Variants in IDE observed in about 807,000 individuals in gnomAD.
The protein encoded by IDE is insulin degrading enzyme.
Under a neutral mutation model 133.2 loss-of-function variants are expected in IDE, and 58 were observed. The observed-to-expected ratio is 0.44, with a 90% CI of 0.35 to 0.54. IDE has a LOEUF of 0.54. Among genes scored for constraint, IDE ranks in the 20% least tolerant of loss-of-function variants. The pLI is 0.00. For synonymous variants in IDE, 396 were observed against 421.3 expected (o/e 0.94, Z 0.73); for missense variants, 981 against 1,234.0 (o/e 0.79, Z 3.07).
At chr10:92,552,434 AC>A (rs1738966770) in intron 1 of IDE, among the ~76,000 whole-genome samples, 2 of 152,232 alleles carry the variant, frequency 1.3e-5, no homozygotes, top group Non-Finnish European at 2.9e-5. Context: ...TTTATTATAT[AC>A]AAAAAGACAT....
chr10:92,574,043 A>C lies in IDE; in HGVS notation c.-24T>G. 2 of 1,495,744 alleles carry C rather than the reference A, an allele frequency of 1.3e-6. No individual in the cohort carries two copies. Among genetic ancestry groups the C allele is most frequent in the Non-Finnish European group, 1.8e-6 (2 of 1,121,114 alleles). The allele number at this position is 1,495,744 out of a possible 1,614,324, so 92.7% of individuals were successfully genotyped here. On this transcript the variant is annotated 5_prime_UTR_variant, in exon 1 of 25. Transcript: ENST00000265986. ...ATTAGCCAGCGCAGTCGCCGGGATC[A>C]CCGCAAACGCTTCCTGCTTGCGCTT...
intron 24 of IDE, among the ~76,000 whole-genome samples, chr10:92,454,948 T>C (rs1589346526): frequency 6.6e-6 from 1 of 152,164 alleles, no homozygotes; most frequent in East Asian, 1.9e-4. Flanking sequence ...TTCTAGATGA[T>C]TAAAATACGC....
At position 92,487,181 on chromosome 10, in the gene IDE, A is replaced by T. The variant is rs1847047955; in HGVS notation, c.1656+15T>A. On this transcript the variant is annotated intron_variant, in intron 13 of 24. Transcript: ENST00000265986. Reference sequence around the variant, plus strand: ...CTGTCCCCCAAATTTAAAATCACTGATTCAAACACATTACCTTAATAAGAG... The same window carrying T: ...CTGTCCCCCAAATTTAAAATCACTGTTTCAAACACATTACCTTAATAAGAG... The T allele has an allele frequency of 1.2e-6, 2 of 1,603,950 alleles. No individual in the cohort carries two copies. Among genetic ancestry groups the T allele is most frequent in the Middle Eastern group, 1.7e-4 (1 of 6,000 alleles).
intron 11 of IDE, among the ~76,000 whole-genome samples, chr10:92,500,301 A>C (rs1391337121): frequency 6.6e-6 from 1 of 152,080 alleles, no homozygotes; most frequent in Admixed American, 6.6e-5. Context: ...CCATCTCAAA[A>C]AAAAAAAAAC....
chr10:92,506,417 T>C (rs781332486), intron 10 of IDE, 25 bp downstream of exon 10: 3 of 1,151,856 alleles, frequency 2.6e-6, no homozygotes, highest in East Asian at 2.4e-5. Flanking sequence ...CAGCAATGTA[T>C]ACAGTAAAAT....
chr10:92,565,806 T>C (rs1028082921), intron 1 of IDE, among the ~76,000 whole-genome samples: 1 of 152,118 alleles, frequency 6.6e-6, no homozygotes, highest in Non-Finnish European at 1.5e-5. Flanking sequence ...GTATATTCTT[T>C]CTAAAAAATC....
chr10:92,459,741 C>T lies in IDE; in HGVS notation c.2823+1450G>A, dbSNP rs375746076. ...GTTTTTGCATTTAGCATACTTATTA[C>T]ACATTCATATACCTACCTAATGGAA... On this transcript the variant is annotated intron_variant, in intron 22 of 24. Coordinates refer to ENST00000265986, the MANE Select transcript of IDE (RefSeq NM_004969.4). 2.6e-3 allele frequency among the ~76,000 whole-genome samples: 386 copies of T among 151,282 alleles called. 2 individuals are homozygous for T. Among genetic ancestry groups the T allele is most frequent in the African/African-American group, 8.7e-3 (357 of 41,252 alleles).
chr10:92,523,296 G>A (rs781656913), intron 4 of IDE, among the ~76,000 whole-genome samples: 2 of 151,946 alleles, frequency 1.3e-5, no homozygotes, highest in East Asian at 1.9e-4. Context: ...CAGGAGAATC[G>A]TTTGAACCCA....
At chr10:92,456,844 C>CAAAAAA (rs57422406) in intron 22 of IDE, among the ~76,000 whole-genome samples, 1,220 of 52,272 alleles carry the variant, frequency 0.023, 2 homozygotes, top group Non-Finnish European at 0.033. Flanking sequence ...GACTCTGTCT[C>CAAAAAA]AAAAAAAAAA....
intron 15 of IDE, 89 bp from the exon 16 acceptor site, chr10:92,476,083 T>TCC (rs1846237427): frequency 1.5e-6 from 1 of 655,890 alleles, no homozygotes; most frequent in Non-Finnish European, 2.7e-6. Context: ...ATGTAGAAAA[T>TCC]CCCAAAACAG....
intron 1 of IDE, among the ~76,000 whole-genome samples, chr10:92,556,674 C>T (rs1407363243): frequency 1.3e-5 from 2 of 152,130 alleles, no homozygotes; most frequent in African/African-American, 4.8e-5. Context: ...AGGAGAATCG[C>T]TTGGACCCAG....
At chr10:92,474,655 T>A (rs563017237) in intron 17 of IDE, 186 bp downstream of exon 17, 1 of 509,540 alleles carries the variant, frequency 2.0e-6, no homozygotes, top group East Asian at 3.4e-5. Context: ...TTCTACCTAT[T>A]TAAAAGTATA....
chr10:92,528,214 T>C (rs140075634), intron 4 of IDE, among the ~76,000 whole-genome samples: 1,665 of 152,328 alleles, frequency 0.011, 35 homozygotes, highest in African/African-American at 0.038. Flanking sequence ...AAAGTGATAG[T>C]GGGCATCCTT....
chr10:92,456,205 A>G (rs1844997605), intron 23 of IDE, among the ~76,000 whole-genome samples, 154 bp downstream of exon 23: 1 of 151,726 alleles, frequency 6.6e-6, no homozygotes, highest in African/African-American at 2.4e-5. Context: ...TCACTACCTC[A>G]TTTCTCTTTT....
At chr10:92,499,385 T>C (rs916787078) in intron 11 of IDE, among the ~76,000 whole-genome samples, 18 of 152,040 alleles carry the variant, frequency 1.2e-4, no homozygotes, top group South Asian at 4.2e-4. Flanking sequence ...CCTCAGGTGA[T>C]CCACCCACTT....
intron 15 of IDE, among the ~76,000 whole-genome samples, chr10:92,478,479 T>C (rs545218386): frequency 1.9e-3 from 297 of 152,330 alleles, no homozygotes; most frequent in African/African-American, 6.7e-3. Context: ...TATTAAATCA[T>C]TCATTAGTGG....
chr10:92,507,934 G>C (rs190864446), intron 8 of IDE, among the ~76,000 whole-genome samples, 179 bp downstream of exon 8: 1 of 152,284 alleles, frequency 6.6e-6, no homozygotes, highest in Non-Finnish European at 1.5e-5. Context: ...AGTTGTTAAG[G>C]GGGGAAGAAT....
intron 15 of IDE, chr10:92,478,832 C>A: frequency 9.1e-7 from 1 of 1,093,784 alleles, no homozygotes; most frequent in South Asian, 2.0e-5. Context: ...ATACCTCAAG[C>A]AGTGGCATGG....
chr10:92,502,777 G>C (rs1045870459), intron 11 of IDE, among the ~76,000 whole-genome samples: 2 of 152,166 alleles, frequency 1.3e-5, no homozygotes, highest in African/African-American at 4.8e-5. Flanking sequence ...AAATTATCTA[G>C]AGTTGAAAAA....
Sources: gnomAD v4.1 joint callset for allele counts (sites outside exome capture counted in the v4.1 genomes callset) on GRCh38, gnomAD v4.1.1 for gene constraint, MANE v1.5 for transcripts, NCBI Gene and HGNC (gene_info 2026-07-23, HGNC 2026-07-21) for gene names.